The following GALNT13 variants were observed in gnomAD, a reference collection of about 807,000 sequenced individuals.
GALNT13 encodes the protein polypeptide N-acetylgalactosaminyltransferase 13.
GALNT13 carries 28 observed loss-of-function variants against 64.2 expected under a neutral mutation model. That is an observed-to-expected ratio of 0.44 (90% CI 0.32 to 0.60). The LOEUF (loss-of-function observed/expected upper bound fraction) is 0.60. Among genes scored for constraint, GALNT13 ranks in the 20% least tolerant of loss-of-function variants. The pLI, the probability that GALNT13 is intolerant of heterozygous loss-of-function variation, is 0.05. For missense variants in GALNT13, 577 were observed against 669.8 expected, an observed-to-expected ratio of 0.86 and a Z score of 1.53; for synonymous variants, 214 against 224.6, an observed-to-expected ratio of 0.95 and a Z score of 0.42.
chr2:153,468,085 A>C, the GALNT13 span, among the ~76,000 whole-genome samples: 2 of 151,700 alleles, frequency 1.3e-5, no homozygotes, highest in East Asian at 1.9e-4. Flanking sequence ...GGTAACCTAG[A>C]CTCTAAGAAG....
chr2:153,624,341 A>G, the GALNT13 span, among the ~76,000 whole-genome samples: 1 of 151,936 alleles, frequency 6.6e-6, no homozygotes, highest in Non-Finnish European at 1.5e-5. Context: ...AGAGGTCTTT[A>G]CCTCTCCACG....
rs2105515137 is a variant in GALNT13, at chr2:154,453,839, A to T, written c.*3288A>T. ...ATAAAGGCTAATATATTTAGACAGG[A>T]TTTCCAAAAACTTTGTCTTCAAATT... On this transcript the variant is annotated 3_prime_UTR_variant, in exon 13 of 13. Coordinates refer to ENST00000392825, the MANE Select transcript of GALNT13 (RefSeq NM_052917.4). 1 of 152,278 alleles carries T rather than the reference A, an allele frequency of 6.6e-6. No homozygotes were observed. The highest frequency in any genetic ancestry group is 2.1e-4 in the South Asian group (1 of 4,820). The allele number at this position is 152,278 out of a possible 1,614,324, so 9.4% of individuals were successfully genotyped here.
chr2:153,769,206 A>C, the GALNT13 span, among the ~76,000 whole-genome samples: 1 of 151,938 alleles, frequency 6.6e-6, no homozygotes, highest in Non-Finnish European at 1.5e-5. Context: ...TTTTGTACTT[A>C]AGTGTTATTT....
intron 2 of GALNT13, among the ~76,000 whole-genome samples, chr2:153,904,367 A>T (rs776842327): frequency 6.6e-6 from 1 of 151,918 alleles, no homozygotes; most frequent in African/African-American, 2.4e-5. Context: ...TCTTAGTCAT[A>T]TTGCATGCAA....
At chr2:153,492,596 T>G in the GALNT13 span, among the ~76,000 whole-genome samples, 1 of 152,046 alleles carries the variant, frequency 6.6e-6, no homozygotes, top group Non-Finnish European at 1.5e-5. Flanking sequence ...AGAAAACAAT[T>G]TGAGCATAAC....
chr2:153,721,530 G>A, the GALNT13 span, among the ~76,000 whole-genome samples: 1 of 149,914 alleles, frequency 6.7e-6, no homozygotes, highest in Non-Finnish European at 1.5e-5. Flanking sequence ...TAGATAAAGA[G>A]TCAAGACCCA....
chr2:153,172,255 A>G, the GALNT13 span: 1 of 152,168 alleles, frequency 6.6e-6, no homozygotes, highest in Non-Finnish European at 1.5e-5. Context: ...GGGATGGTGC[A>G]TGCATAGAGG....
At chr2:153,876,609 G>A (rs1463882676) in intron 1 of GALNT13, among the ~76,000 whole-genome samples, 1 of 152,112 alleles carries the variant, frequency 6.6e-6, no homozygotes, top group Admixed American at 6.6e-5. Context: ...ACCTGTGTCT[G>A]TGTTTTCAGT....
intron 1 of GALNT13, among the ~76,000 whole-genome samples, chr2:153,872,619 CGGG>C (rs1218155488): frequency 1.8e-4 from 3 of 16,318 alleles, no homozygotes; most frequent in African/African-American, 5.4e-4. Flanking sequence ...TTGTTGGTGG[CGGG>C]GGGGGGGGGG....
the GALNT13 span, among the ~76,000 whole-genome samples, chr2:153,455,148 A>AT: frequency 6.6e-6 from 1 of 152,240 alleles, no homozygotes. Context: ...TGATGCTTGC[A>AT]TTTTTTTCTC....
the GALNT13 span, among the ~76,000 whole-genome samples, chr2:153,674,166 A>G: frequency 6.6e-6 from 1 of 152,160 alleles, no homozygotes; most frequent in Non-Finnish European, 1.5e-5. Context: ...CCAACAAACT[A>G]CCACTGACTT....
chr2:154,108,430 T>C (rs1412180851), intron 3 of GALNT13, among the ~76,000 whole-genome samples: 1 of 152,110 alleles, frequency 6.6e-6, no homozygotes, highest in Non-Finnish European at 1.5e-5. Context: ...AATTCAACTT[T>C]CTTGCCCATT....
chr2:154,148,854 A>C (rs563599244), intron 4 of GALNT13, among the ~76,000 whole-genome samples: 12 of 152,136 alleles, frequency 7.9e-5, no homozygotes, highest in Admixed American at 6.5e-5. Context: ...TAGGTTGTGA[A>C]AATTTTCTCC....
At chr2:153,620,207 T>G in the GALNT13 span, among the ~76,000 whole-genome samples, 1 of 152,200 alleles carries the variant, frequency 6.6e-6, no homozygotes, top group South Asian at 2.1e-4. Context: ...TACTGAAACC[T>G]CCACCTCCCA....
At chr2:153,216,602 G>A in the GALNT13 span, among the ~76,000 whole-genome samples, 1 of 151,924 alleles carries the variant, frequency 6.6e-6, no homozygotes, top group African/African-American at 2.4e-5. Flanking sequence ...TCACCTGCAT[G>A]TCCTCTTCAG....
the GALNT13 span, among the ~76,000 whole-genome samples, chr2:153,701,556 C>CA: frequency 6.6e-6 from 1 of 152,156 alleles, no homozygotes; most frequent in Non-Finnish European, 1.5e-5. Context: ...AGTGAACAGG[C>CA]AACCTACTGA....
the GALNT13 span, among the ~76,000 whole-genome samples, chr2:153,559,266 T>C: frequency 3.9e-5 from 6 of 152,200 alleles, no homozygotes; most frequent in African/African-American, 1.4e-4. Context: ...TTGATTTGAA[T>C]ACGGATTGAA....
intron 3 of GALNT13, among the ~76,000 whole-genome samples, chr2:154,028,275 T>C (rs377602846): frequency 8.3e-4 from 126 of 152,320 alleles, no homozygotes; most frequent in Middle Eastern, 6.8e-3. Flanking sequence ...CTTTGCTATA[T>C]TGCTAAGAAA....
At chr2:153,146,353 C>T in the GALNT13 span, among the ~76,000 whole-genome samples, 2 of 151,782 alleles carry the variant, frequency 1.3e-5, no homozygotes, top group African/African-American at 4.8e-5. Context: ...TTCCTTACAT[C>T]CAGCTTTAAT....
Sources: allele counts gnomAD v4.1 joint callset (sites outside exome capture counted in the v4.1 genomes callset), GRCh38; gene constraint gnomAD v4.1.1; transcripts MANE v1.5; gene names NCBI Gene and HGNC (gene_info 2026-07-23, HGNC 2026-07-21).